UMODL1: variants seen among roughly 807,000 people sequenced by gnomAD.
UMODL1 encodes uromodulin like 1, also known as uromodulin-like 1.
Under a neutral mutation model 136.3 loss-of-function variants are expected in UMODL1, and 128 were observed. The ratio of observed to expected loss-of-function variants is 0.94; its 90% CI spans 0.81 to 1.09. The LOEUF (loss-of-function observed/expected upper bound fraction) is 1.09, where lower values mean the gene tolerates loss of function less well. Ranked by LOEUF, UMODL1 falls within the 50% of genes least tolerant of loss-of-function variation. UMODL1 has a pLI of 0.00. For missense variants in UMODL1, 1,766 were observed against 1,725.6 expected, an observed-to-expected ratio of 1.02 and a Z score of -0.41; for synonymous variants, 721 against 720.0, an observed-to-expected ratio of 1.00 and a Z score of -0.02.
At chr21:42,095,204 C>T (rs1217683827) in intron 6 of UMODL1, among the ~76,000 whole-genome samples, 2 of 146,646 alleles carry the variant, frequency 1.4e-5, no homozygotes, top group East Asian at 2.1e-4. Flanking sequence ...AATTAATCCT[C>T]CTAGCTCAGC....
In UMODL1 at chr21:42,071,883, C is replaced by CA. The variant is rs71274595; in HGVS notation, c.76+506dup. Among the ~76,000 whole-genome samples, 1,207 of 137,630 alleles carry CA rather than the reference C, an allele frequency of 8.8e-3. 11 individuals are homozygous for CA. Among genetic ancestry groups the CA allele is most frequent in the African/African-American group, 0.025 (919 of 37,070 alleles). 90.3% of individuals were successfully genotyped at this position (137,630 alleles called of 152,430 possible). A position where few individuals can be genotyped will look rare whatever the true frequency, so the allele number is the denominator to read the frequency against. On this transcript the variant is annotated intron_variant, in intron 1 of 22. Coordinates refer to ENST00000408910, the MANE Select transcript of UMODL1 (RefSeq NM_001004416.3). ...CAACATCATGAGACCCCATGTGTACCAAAAAAAAAAAAAAATTAGCCAGCC... is the reference window on the plus strand; with the variant it reads ...CAACATCATGAGACCCCATGTGTACCAAAAAAAAAAAAAAAATTAGCCAGCC...
Position 42,088,319 on chromosome 21 carries a change from C to G in UMODL1, c.629C>G (p.Ala210Gly). 1 of 1,613,498 alleles carries G rather than the reference C, an allele frequency of 6.2e-7. No homozygotes were observed. ...SLVTSALQPM[A>G]STVHHLHSAP... is the part of the protein sequence containing the mutation. ...GTCACCAGCGCCCTGCAACCAATGG[C>G]CTCCACCGTCCACCACCTGCACTCA... The change falls in exon 5 of 23, where the codon GCC becomes GGC. Residue 210 changes from alanine (A) to glycine (G), a missense_variant. Transcript: ENST00000408910.
chr21:42,105,839 G>A (rs576572906), intron 9 of UMODL1, among the ~76,000 whole-genome samples: 1 of 152,306 alleles, frequency 6.6e-6, no homozygotes, highest in East Asian at 1.9e-4. Flanking sequence ...CCCCCCAGCT[G>A]GTGTGTTTGT....
intron 6 of UMODL1, among the ~76,000 whole-genome samples, chr21:42,095,698 T>TTAG (rs2066550011): frequency 6.6e-6 from 1 of 152,208 alleles, no homozygotes; most frequent in African/African-American, 2.4e-5. Flanking sequence ...ATAGGAAAGC[T>TTAG]TAGTAGTAAG....
upstream of UMODL1, among the ~76,000 whole-genome samples, chr21:42,069,021 T>G (rs1308611767): frequency 6.6e-6 from 1 of 152,186 alleles, no homozygotes; most frequent in African/African-American, 2.4e-5. Context: ...CTCTGCTGGA[T>G]GGACTGTGGA....
chr21:42,104,537 C>T (rs1322001772), intron 9 of UMODL1, among the ~76,000 whole-genome samples: 1 of 152,002 alleles, frequency 6.6e-6, no homozygotes, highest in African/African-American at 2.4e-5. Context: ...GCAACCTCCG[C>T]CTCCTAGGTT....
intron 21 of UMODL1, among the ~76,000 whole-genome samples, chr21:42,131,489 A>G (rs220164): frequency 0.014 from 54 of 3,764 alleles, 16 homozygotes; most frequent in Non-Finnish European, 0.032. Flanking sequence ...GGGAGGTCTC[A>G]GCCATGAAGC....
intron 22 of UMODL1, among the ~76,000 whole-genome samples, chr21:42,141,587 A>G (rs2067282335): frequency 6.6e-6 from 1 of 152,186 alleles, no homozygotes. Flanking sequence ...AAAACATCCG[A>G]GGGAAAACTG....
intron 6 of UMODL1, among the ~76,000 whole-genome samples, chr21:42,091,278 C>T (rs969134081): frequency 6.6e-6 from 1 of 152,186 alleles, no homozygotes; most frequent in Non-Finnish European, 1.5e-5. Context: ...CTGATGTCTG[C>T]ACTGGAACCA....
Position 42,138,775 on chromosome 21 carries a change from A to T in UMODL1, c.*21+1134A>T, listed in dbSNP as rs376135631. Among the ~76,000 whole-genome samples the T allele has an allele frequency of 2.0e-5, 3 of 152,054 alleles. No individual in the cohort carries two copies. In the East Asian group the frequency reaches 5.8e-4, roughly 29 times the overall value. On this transcript the variant is annotated intron_variant, in intron 22 of 22. Transcript: ENST00000408910. ...TTTTTAGTAGATACAGGGTTTCTCC[A>T]TGTTGGTCAGGCTGGTCTCCAACTC...
chr21:42,103,401 T>A lies in UMODL1; in HGVS notation c.1300-467T>A. 2 of 320,362 alleles carry A rather than the reference T, an allele frequency of 6.2e-6. 1 individual carries two copies. The highest frequency in any genetic ancestry group is 5.3e-5 in the South Asian group (2 of 37,572). 19.8% of individuals were successfully genotyped at this position (320,362 alleles called of 1,614,324 possible). ...GGCTGGTATCTCCCTTGCTTGGGCATGGGTAGCCCTAAGCACCTGGCTCTG... is the reference window on the plus strand; with the variant it reads ...GGCTGGTATCTCCCTTGCTTGGGCAAGGGTAGCCCTAAGCACCTGGCTCTG... On this transcript the variant is annotated intron_variant, in intron 8 of 22. Transcript: ENST00000408910.
Position 42,088,386 on chromosome 21 carries a change from G to A in UMODL1, c.696G>A (p.Leu232=), listed in dbSNP as rs901305211. 1 of 1,613,784 alleles carries A rather than the reference G, an allele frequency of 6.2e-7. No homozygotes were observed. ...NASTTVSRLL[L]GLPRPLPVAD... Reference sequence around the variant, plus strand: ...CCACCACAGTGTCGCGGCTGCTACTGGGCCTGCCACGGCCACTGCCTGTGG... The same window carrying A: ...CCACCACAGTGTCGCGGCTGCTACTAGGCCTGCCACGGCCACTGCCTGTGG... Residue 232 remains leucine (L), a synonymous_variant, in exon 5 of 23, where the codon CTG becomes CTA. Transcript: ENST00000408910.
rs111326759 is a variant in UMODL1, at chr21:42,073,861, G to A, written c.77-2144G>A. Among the ~76,000 whole-genome samples the A allele has an allele frequency of 2.5e-3, 385 of 152,284 alleles. 1 individual carries two copies. The highest frequency in any genetic ancestry group is 9.1e-3 in the African/African-American group (376 of 41,546). On this transcript the variant is annotated intron_variant, in intron 1 of 22. Coordinates refer to ENST00000408910, the MANE Select transcript of UMODL1 (RefSeq NM_001004416.3). ...TGAGGGAAATCAACTGTAATACTGAGCCCCCACCTCTTGGGGGTACAGTCT... is the reference window on the plus strand; with the variant it reads ...TGAGGGAAATCAACTGTAATACTGAACCCCCACCTCTTGGGGGTACAGTCT...
chr21:42,081,000 G>C (rs551067661), intron 2 of UMODL1, among the ~76,000 whole-genome samples: 1 of 152,142 alleles, frequency 6.6e-6, no homozygotes, highest in Non-Finnish European at 1.5e-5. Context: ...GTACAAACAC[G>C]ACTGTGCACA....
At chr21:42,069,687 T>C (rs1601165866), upstream of UMODL1, among the ~76,000 whole-genome samples, 1 of 152,192 alleles carries the variant, frequency 6.6e-6, no homozygotes, top group East Asian at 1.9e-4. Flanking sequence ...GAATTTTGAG[T>C]TTTAACCTGT....
chr21:42,090,158 G>A, intron 5 of UMODL1, 140 bp from the exon 6 acceptor site: 1 of 1,126,208 alleles, frequency 8.9e-7, no homozygotes, highest in South Asian at 1.5e-5. Flanking sequence ...TCTCCCTTGG[G>A]ATCACTGCCC....
intron 6 of UMODL1, among the ~76,000 whole-genome samples, chr21:42,091,466 GGAA>G (rs1412548658): frequency 6.6e-6 from 1 of 152,202 alleles, no homozygotes; most frequent in South Asian, 2.1e-4. Context: ...CAAGCAGCTT[GGAA>G]GAAGAAGTAA....
Position 42,071,398 on chromosome 21 carries a change from G to C in UMODL1, c.76+6G>C, listed in dbSNP as rs2066230091. ...CCAGGCCAGCGGCTTCACAGGTGAG[G>C]GGTCTGGGCTTGGCATGGGCAGTTC... On this transcript the variant is annotated splice_donor_region_variant and intron_variant, in intron 1 of 22. Transcript: ENST00000408910. 1 of 1,578,030 alleles carries C rather than the reference G, an allele frequency of 6.3e-7. No homozygotes were observed. The highest frequency in any genetic ancestry group is 8.6e-7 in the Non-Finnish European group (1 of 1,162,962).
intron 1 of UMODL1, among the ~76,000 whole-genome samples, chr21:42,074,559 G>T (rs1051996234): frequency 6.6e-6 from 1 of 152,180 alleles, no homozygotes; most frequent in African/African-American, 2.4e-5. Context: ...GGGGCCAGGG[G>T]TCTCGAGAAC....
Sources: allele counts gnomAD v4.1 joint callset (sites outside exome capture counted in the v4.1 genomes callset), GRCh38; gene constraint gnomAD v4.1.1; transcripts MANE v1.5; gene names NCBI Gene and HGNC (gene_info 2026-07-23, HGNC 2026-07-21).